The following MGST1 variants were observed in gnomAD, a reference collection of about 807,000 sequenced individuals.
MGST1 encodes glutathione S-transferase 12.
In MGST1, 5 loss-of-function variants were observed where a neutral mutation model predicts 8.9. That is an observed-to-expected ratio of 0.56 (90% confidence interval 0.29 to 1.19). The LOEUF (loss-of-function observed/expected upper bound fraction) is 1.19, where lower values mean the gene tolerates loss of function less well. Ranked by LOEUF, MGST1 falls within the 50% of genes most tolerant of loss-of-function variation. The pLI is 0.08. For synonymous variants in MGST1, 54 were observed against 67.8 expected (o/e 0.80, Z 1.00); for missense variants, 182 against 187.4 (o/e 0.97, Z 0.17).
chr12:16,525,440 A>G (rs11503000), intron 4 of MGST1, among the ~76,000 whole-genome samples: 2 of 151,116 alleles, frequency 1.3e-5, no homozygotes, highest in African/African-American at 4.9e-5. Flanking sequence ...GATGTTTTCC[A>G]GTTTCATCCA....
chr12:16,578,873 TAGA>T (rs1266215748), intron 4 of MGST1, among the ~76,000 whole-genome samples: 1 of 151,874 alleles, frequency 6.6e-6, no homozygotes, highest in African/African-American at 2.4e-5. Flanking sequence ...ATTAATTCAC[TAGA>T]AGAATATATT....
At position 16,546,692 on chromosome 12, in the gene MGST1, A is replaced by C. The variant is rs987563981; in HGVS notation, n.483-42836A>C. On this transcript the variant is annotated intron_variant and non_coding_transcript_variant, in intron 4 of 4. Coordinates refer to the MGST1 transcript ENST00000538857. The surrounding 1 kb of genome is among the most constrained non-coding windows in gnomAD (Gnocchi z 4.7). ...CAGATGTTTCTTACTTACCTAAGGGAACTGTTGTAATTATTCTATAAGCTT... is the reference window on the plus strand; with the variant it reads ...CAGATGTTTCTTACTTACCTAAGGGCACTGTTGTAATTATTCTATAAGCTT... Among the ~76,000 whole-genome samples the C allele has an allele frequency of 4.6e-5, 7 of 152,106 alleles. No homozygotes were observed. The highest frequency in any genetic ancestry group is 1.0e-4 in the Non-Finnish European group (7 of 67,982).
chr12:16,376,822 C>T (rs938821719), exon 4 of MGST1: 1 of 151,742 alleles, frequency 6.6e-6, no homozygotes, highest in Non-Finnish European at 1.5e-5. Flanking sequence ...GATATAATAT[C>T]ATCTGTATAT....
chr12:16,532,717 G>A (rs923322924), intron 4 of MGST1, among the ~76,000 whole-genome samples: 1 of 152,102 alleles, frequency 6.6e-6, no homozygotes, highest in Non-Finnish European at 1.5e-5. Flanking sequence ...ATGGCAGATT[G>A]GGTAAACATA....
intron 4 of MGST1, among the ~76,000 whole-genome samples, chr12:16,448,608 C>G (rs1167032778): frequency 6.6e-6 from 1 of 151,906 alleles, no homozygotes; most frequent in Non-Finnish European, 1.5e-5. Context: ...CATAAACACA[C>G]TTTTAAAATT....
intron 4 of MGST1, among the ~76,000 whole-genome samples, chr12:16,579,025 C>A (rs73054124): frequency 0.078 from 11,904 of 152,212 alleles, 630 homozygotes; most frequent in Non-Finnish European, 0.12. Flanking sequence ...TCTTGACAGA[C>A]TGTATCATTG....
intron 4 of MGST1, among the ~76,000 whole-genome samples, chr12:16,515,116 G>A (rs1941603556): frequency 6.6e-6 from 1 of 152,248 alleles, no homozygotes; most frequent in East Asian, 1.9e-4. Context: ...CTCTCATCAT[G>A]GAGCAACCTT....
At chr12:16,425,677 C>G (rs1940879448) in intron 1 of MGST1, among the ~76,000 whole-genome samples, 1 of 152,216 alleles carries the variant, frequency 6.6e-6, no homozygotes, top group South Asian at 2.1e-4. Flanking sequence ...AAAGCACAGT[C>G]TAGAGAAAAG....
At chr12:16,416,794 G>A (rs1219573277) in intron 1 of MGST1, among the ~76,000 whole-genome samples, 5 of 152,168 alleles carry the variant, frequency 3.3e-5, no homozygotes, top group Non-Finnish European at 7.4e-5. Context: ...GAGAAGCATT[G>A]AGAAAGAATT....
At chr12:16,396,283 C>T (rs1398809523) in intron 1 of MGST1, among the ~76,000 whole-genome samples, 1 of 152,086 alleles carries the variant, frequency 6.6e-6, no homozygotes, top group Non-Finnish European at 1.5e-5. Flanking sequence ...AAGGAACATA[C>T]CTCAATGTAG....
At chr12:16,507,346 T>A (rs940091408) in intron 4 of MGST1, among the ~76,000 whole-genome samples, 3 of 152,162 alleles carry the variant, frequency 2.0e-5, no homozygotes, top group Admixed American at 6.5e-5. Context: ...GCTTTGAATG[T>A]CTTGCTGAGG....
intron 4 of MGST1, among the ~76,000 whole-genome samples, chr12:16,451,613 A>G (rs1941129819): frequency 6.6e-6 from 1 of 151,884 alleles, no homozygotes; most frequent in African/African-American, 2.4e-5. Context: ...CCTGTAAAAA[A>G]CAAAAAAGGT....
chr12:16,541,541 T>C (rs1272603342), intron 4 of MGST1, among the ~76,000 whole-genome samples: 1 of 152,154 alleles, frequency 6.6e-6, no homozygotes, highest in Non-Finnish European at 1.5e-5. Flanking sequence ...CCACTAACCA[T>C]ACACAAAATT....
In MGST1 at chr12:16,531,561, C is replaced by T. The variant is rs146653667; in HGVS notation, n.483-57967C>T. Among the ~76,000 whole-genome samples the T allele has an allele frequency of 1.4e-4, 21 of 152,242 alleles. No homozygotes were observed. In the East Asian group the frequency reaches 3.9e-3, roughly 28 times the overall value. On this transcript the variant is annotated intron_variant and non_coding_transcript_variant, in intron 4 of 4. Coordinates refer to the MGST1 transcript ENST00000538857. ...CCTTGAGCCTAGGAGTTTGAGGCTG[C>T]AGTGAGCTATTGTGCCACTGCACTC...
chr12:16,376,583 G>C (rs1940384226), exon 4 of MGST1: 1 of 151,602 alleles, frequency 6.6e-6, no homozygotes, highest in South Asian at 2.1e-4. Context: ...AGAGAACCTA[G>C]AGATTAAAAG....
chr12:16,541,309 G>A (rs1310304599), intron 4 of MGST1, among the ~76,000 whole-genome samples: 1 of 152,122 alleles, frequency 6.6e-6, no homozygotes, highest in Admixed American at 6.5e-5. Flanking sequence ...ATAGGATTTG[G>A]AAATAGGCAG....
At position 16,363,946 on chromosome 12, in the gene MGST1, C is replaced by T. The variant is rs1476009454; in HGVS notation, c.373C>T (p.Leu125Phe). ...IYHTIAYLTP[L>F]PQPNRALSFF... is the part of the protein sequence containing the mutation. ...CCACACCATTGCATATTTGACACCC[C>T]TTCCCCAGCCAAATAGAGCTTTGAG... Residue 125 changes from leucine (L) to phenylalanine (F), a missense_variant, in exon 4 of 4, where the codon CTT becomes TTT. By Grantham distance (22) the Leu-to-Phe change is conservative. Coordinates refer to ENST00000396210, the MANE Select transcript of MGST1 (RefSeq NM_020300.5). This position sits in a 1 kb window ranked among gnomAD's most constrained non-coding sequence, Gnocchi z 4.6. The T allele has an allele frequency of 1.2e-6, 2 of 1,613,944 alleles. No homozygotes were observed. Among genetic ancestry groups the T allele is most frequent in the East Asian group, 2.2e-5 (1 of 44,874 alleles).
chr12:16,461,612 G>A (rs540904940), intron 4 of MGST1, among the ~76,000 whole-genome samples: 2 of 152,036 alleles, frequency 1.3e-5, no homozygotes, highest in African/African-American at 4.8e-5. Flanking sequence ...ACATGAGAAG[G>A]GGTTCGAACC....
rs1392308915 is a variant in MGST1 at position 16,513,323 on chromosome 12, A to C, written n.483-76205A>C. ...CCACATTTCCCATTGAAAATTCCTT[A>C]AAAAGGAGAATTTTATGCTTGCCCT... On this transcript the variant is annotated intron_variant and non_coding_transcript_variant, in intron 4 of 4. Transcript: ENST00000538857. This position sits in a 1 kb window ranked among gnomAD's most constrained non-coding sequence, Gnocchi z 4.2. 1 of 245,348 alleles carries C rather than the reference A, an allele frequency of 4.1e-6. No homozygotes were observed. Among genetic ancestry groups the C allele is most frequent in the African/African-American group, 2.3e-5 (1 of 43,364 alleles). 15.2% of individuals were successfully genotyped at this position (245,348 alleles called of 1,614,324 possible).
Sources: allele counts gnomAD v4.1 joint callset (sites outside exome capture counted in the v4.1 genomes callset), GRCh38; gene constraint gnomAD v4.1.1; non-coding constraint Gnocchi (gnomAD v3.1); transcripts MANE v1.5; gene names NCBI Gene and HGNC (gene_info 2026-07-23, HGNC 2026-07-21).